CIT: variants seen among roughly 807,000 people sequenced by gnomAD.
CIT encodes citron Rho-interacting kinase.
Under a neutral mutation model 272.7 loss-of-function variants are expected in CIT, and 79 were observed. The ratio of observed to expected loss-of-function variants is 0.29; its 90% CI spans 0.24 to 0.35. The LOEUF is 0.35. Ranked by LOEUF, CIT falls within the 10% of genes least tolerant of loss-of-function variation. The pLI, the probability that CIT is intolerant of heterozygous loss-of-function variation, is 1.00. For synonymous variants in CIT, 948 were observed against 995.6 expected, an observed-to-expected ratio of 0.95 and a Z score of 0.90; for missense variants, 1,909 against 2,618.3, an observed-to-expected ratio of 0.73 and a Z score of 5.91.
At chr12:119,772,233 C>G (rs964210219) in intron 17 of CIT, among the ~76,000 whole-genome samples, 3 of 152,078 alleles carry the variant, frequency 2.0e-5, no homozygotes, top group Non-Finnish European at 4.4e-5. Flanking sequence ...ATCCTATATT[C>G]TTCTGTACTG....
intron 30 of CIT, 180 bp from the exon 31 acceptor site, chr12:119,719,041 G>GC (rs1957696771): frequency 1.6e-6 from 1 of 617,120 alleles, no homozygotes; most frequent in African/African-American, 1.8e-5. Flanking sequence ...GCCCGTTCCA[G>GC]CCGGCTGAAA....
chr12:119,841,309 G>A (rs972486895), intron 5 of CIT, among the ~76,000 whole-genome samples: 4 of 151,756 alleles, frequency 2.6e-5, no homozygotes, highest in East Asian at 1.9e-4. Flanking sequence ...GGAGTAGCTC[G>A]GATTACAGGT....
In CIT at chr12:119,833,965, TA is replaced by T; in HGVS notation, c.659+120del. The stretch of plus-strand genomic sequence containing the variant: ...TTCAGCCAGTTATTGGTAGACTGGC[TA>T]AAAACTGGATGGGGCGTTATCTTGA... On this transcript the variant is annotated intron_variant, in intron 6 of 47. Coordinates refer to ENST00000392521, the MANE Select transcript of CIT (RefSeq NM_001206999.2). 3.7e-6 allele frequency: 4 copies of T among 1,071,922 alleles called. No individual in the cohort carries two copies. In the South Asian group the frequency reaches 5.1e-5, roughly 14 times the overall value. 66.4% of individuals were successfully genotyped at this position (1,071,922 alleles called of 1,614,324 possible). A position where few individuals can be genotyped will look rare whatever the true frequency, so the allele number is the denominator to read the frequency against.
intron 7 of CIT, among the ~76,000 whole-genome samples, chr12:119,827,357 T>C (rs280581): frequency 0.039 from 5,970 of 152,230 alleles, 206 homozygotes; most frequent in East Asian, 0.13. Flanking sequence ...TGTTTTTTAA[T>C]ATGTATGTAA....
At chr12:119,874,759 G>A (rs934632527) in intron 2 of CIT, among the ~76,000 whole-genome samples, 9 of 151,764 alleles carry the variant, frequency 5.9e-5, no homozygotes, top group African/African-American at 1.7e-4. Context: ...GGTGACGGGC[G>A]CCTGTAGTCC....
At chr12:119,751,572 A>G (rs577064557) in intron 23 of CIT, among the ~76,000 whole-genome samples, 2 of 151,718 alleles carry the variant, frequency 1.3e-5, no homozygotes, top group East Asian at 3.9e-4. Context: ...TTCATACCAG[A>G]TGCATACAAA....
intron 10 of CIT, among the ~76,000 whole-genome samples, chr12:119,795,360 G>A (rs1184206295): frequency 2.0e-5 from 3 of 152,098 alleles, no homozygotes; most frequent in Non-Finnish European, 2.9e-5. Context: ...GTACTCCAGC[G>A]TGGGCAACAG....
In CIT at chr12:119,728,456, A is replaced by G; in HGVS notation, c.3591+46T>C. 1 of 1,115,828 alleles carries G rather than the reference A, an allele frequency of 9.0e-7. No individual in the cohort carries two copies. Among genetic ancestry groups the G allele is most frequent in the South Asian group, 1.5e-5 (1 of 68,184 alleles). The allele number at this position is 1,115,828 out of a possible 1,614,324, so 69.1% of individuals were successfully genotyped here. A position where few individuals can be genotyped will look rare whatever the true frequency, so the allele number is the denominator to read the frequency against. Reference sequence around the variant, plus strand: ...CCAAAAAAAAGAAGCCTATTAAAAGAAAAAAAAAATCCACTTGGCCCTTCT... The same window carrying G: ...CCAAAAAAAAGAAGCCTATTAAAAGGAAAAAAAAATCCACTTGGCCCTTCT... On this transcript the variant is annotated intron_variant, in intron 28 of 47. Transcript: ENST00000392521. The surrounding 1 kb of genome is among the most constrained non-coding windows in gnomAD (Gnocchi z 4.3).
intron 26 of CIT, among the ~76,000 whole-genome samples, 166 bp from the exon 27 acceptor site, chr12:119,730,796 C>A (rs1958394451): frequency 6.6e-6 from 1 of 152,218 alleles, no homozygotes; most frequent in South Asian, 2.1e-4. Flanking sequence ...CAACAGCTTA[C>A]AAAGCAAAGA....
At chr12:119,868,473 C>G (rs1018290895) in intron 3 of CIT, among the ~76,000 whole-genome samples, 2 of 152,280 alleles carry the variant, frequency 1.3e-5, no homozygotes, top group East Asian at 1.9e-4. Flanking sequence ...ATTGAGGTCT[C>G]TGGAACTAGC....
intron 22 of CIT, among the ~76,000 whole-genome samples, chr12:119,755,156 A>T (rs1960775472): frequency 6.6e-6 from 1 of 152,218 alleles, no homozygotes; most frequent in African/African-American, 2.4e-5. Flanking sequence ...CCTTCTGAGA[A>T]ATCCTGACCT....
chr12:119,748,750 T>C (rs558675619), intron 23 of CIT, among the ~76,000 whole-genome samples: 14 of 152,338 alleles, frequency 9.2e-5, no homozygotes, highest in Admixed American at 7.8e-4. Context: ...AACTCTTGAT[T>C]ATTCAACATT....
chr12:119,813,664 T>C (rs1966887004), intron 9 of CIT, among the ~76,000 whole-genome samples: 1 of 152,222 alleles, frequency 6.6e-6, no homozygotes, highest in African/African-American at 2.4e-5. Context: ...ACCCACTCTG[T>C]TTCCCATCTT....
intron 3 of CIT, among the ~76,000 whole-genome samples, chr12:119,860,315 T>A (rs753542553): frequency 2.0e-5 from 3 of 152,042 alleles, no homozygotes; most frequent in South Asian, 2.1e-4. Flanking sequence ...GGTGGGTGGA[T>A]CCACATGAAG....
chr12:119,703,501 C>T (rs1956706046), intron 41 of CIT, among the ~76,000 whole-genome samples: 1 of 145,006 alleles, frequency 6.9e-6, no homozygotes, highest in Non-Finnish European at 1.5e-5. Context: ...TCTCGGTTCA[C>T]TGCAACTTCC....
intron 17 of CIT, among the ~76,000 whole-genome samples, chr12:119,771,426 G>A (rs1243866661): frequency 2.0e-5 from 3 of 152,130 alleles, no homozygotes; most frequent in Non-Finnish European, 4.4e-5. Context: ...CAGACAAAAG[G>A]AGACACACTA....
chr12:119,739,768 G>A (rs1958968579), intron 24 of CIT, among the ~76,000 whole-genome samples: 1 of 152,082 alleles, frequency 6.6e-6, no homozygotes, highest in Non-Finnish European at 1.5e-5. Flanking sequence ...ACCTTATGAG[G>A]GAGGTACTAC....
At chr12:119,717,360 G>C (rs1285772159) in intron 32 of CIT, among the ~76,000 whole-genome samples, 1 of 144,756 alleles carries the variant, frequency 6.9e-6, no homozygotes, top group Non-Finnish European at 1.5e-5. Flanking sequence ...ATTTATAAAA[G>C]AAAAAAGGCC....
At chr12:119,779,531 C>T (rs1019548072) in intron 13 of CIT, among the ~76,000 whole-genome samples, 3 of 152,144 alleles carry the variant, frequency 2.0e-5, no homozygotes, top group Non-Finnish European at 2.9e-5. Context: ...CCCTAGATAC[C>T]GTGCCTGCTA....
Sources: gnomAD v4.1 joint callset for allele counts (sites outside exome capture counted in the v4.1 genomes callset) on GRCh38, gnomAD v4.1.1 for gene constraint, Gnocchi (gnomAD v3.1) non-coding constraint, MANE v1.5 for transcripts, NCBI Gene and HGNC (gene_info 2026-07-23, HGNC 2026-07-21) for gene names.